The following RBFOX1 variants were observed in gnomAD, a reference collection of about 807,000 sequenced individuals.
The protein encoded by RBFOX1 is RNA binding protein fox-1 homolog 1.
RBFOX1 carries 8 observed loss-of-function variants against 57.7 expected under a neutral mutation model. The ratio of observed to expected loss-of-function variants is 0.14; its 90% CI spans 0.08 to 0.25. The LOEUF is 0.25. Among genes scored for constraint, RBFOX1 ranks in the 10% least tolerant of loss-of-function variants. The pLI, the probability that RBFOX1 is intolerant of heterozygous loss-of-function variation, is 1.00. For synonymous variants in RBFOX1, 326 were observed against 222.4 expected (o/e 1.47, Z -4.15); for missense variants, 611 against 548.5 (o/e 1.11, Z -1.14).
At chr16:7,226,295 A>G (rs1332907596) in intron 4 of RBFOX1, among the ~76,000 whole-genome samples, 2 of 152,200 alleles carry the variant, frequency 1.3e-5, no homozygotes, top group African/African-American at 2.4e-5. Context: ...ACTACAAGCT[A>G]CGGAGTTCTC....
chr16:5,540,055 A>G (rs980574318), intron 2 of RBFOX1, among the ~76,000 whole-genome samples: 2 of 152,206 alleles, frequency 1.3e-5, no homozygotes, highest in Middle Eastern at 3.2e-3. Context: ...GGGAGGGAAG[A>G]CAATTATTTT....
At chr16:6,967,308 G>T (rs552852434) in intron 3 of RBFOX1, among the ~76,000 whole-genome samples, 42 of 151,932 alleles carry the variant, frequency 2.8e-4, no homozygotes, top group Non-Finnish European at 4.7e-4. Flanking sequence ...TTTATGTATG[G>T]ATCTGTCTAT....
chr16:6,214,300 T>G (rs919892756), intron 1 of RBFOX1, among the ~76,000 whole-genome samples: 14 of 149,616 alleles, frequency 9.4e-5, no homozygotes, highest in African/African-American at 3.2e-4. Flanking sequence ...GATGAAAGAG[T>G]AGGAGGGAGA....
At chr16:6,388,392 C>T (rs184396422) in intron 2 of RBFOX1, among the ~76,000 whole-genome samples, 4 of 152,124 alleles carry the variant, frequency 2.6e-5, no homozygotes, top group East Asian at 1.9e-4. Context: ...TGAAGAAGAG[C>T]AGAAAGAAAG....
At chr16:7,202,801 A>G (rs547690472) in intron 4 of RBFOX1, among the ~76,000 whole-genome samples, 1 of 152,300 alleles carries the variant, frequency 6.6e-6, no homozygotes, top group East Asian at 1.9e-4. Flanking sequence ...CCCCTGCAAC[A>G]GCCCCCCACC....
At chr16:6,096,029 G>A (rs927841325) in intron 1 of RBFOX1, among the ~76,000 whole-genome samples, 12 of 152,236 alleles carry the variant, frequency 7.9e-5, no homozygotes, top group African/African-American at 2.9e-4. Context: ...AGTTTAAGAC[G>A]ATGGAGATAC....
intron 3 of RBFOX1, among the ~76,000 whole-genome samples, chr16:5,658,966 C>A (rs534243608): frequency 6.6e-6 from 1 of 151,696 alleles, no homozygotes; most frequent in Non-Finnish European, 1.5e-5. Context: ...TTGCAAATTG[C>A]GATGCTATAA....
At chr16:7,703,085 A>G (rs1474310768) in intron 14 of RBFOX1, among the ~76,000 whole-genome samples, 2 of 150,838 alleles carry the variant, frequency 1.3e-5, no homozygotes, top group African/African-American at 2.4e-5. Context: ...ATGGCTCTCT[A>G]AAGAGCATGC....
At chr16:5,812,695 C>G (rs1200262246) in intron 3 of RBFOX1, among the ~76,000 whole-genome samples, 1 of 152,118 alleles carries the variant, frequency 6.6e-6, no homozygotes, top group Non-Finnish European at 1.5e-5. Context: ...CTCCTGGCCT[C>G]AAGCAGTCCT....
intron 3 of RBFOX1, among the ~76,000 whole-genome samples, chr16:6,954,482 A>ATG (rs2081363856): frequency 6.6e-6 from 1 of 152,156 alleles, no homozygotes; most frequent in African/African-American, 2.4e-5. Flanking sequence ...TTAAAACGTA[A>ATG]TTTTGTTGAA....
chr16:6,734,657 C>G (rs1409508093), intron 3 of RBFOX1, among the ~76,000 whole-genome samples: 1 of 152,194 alleles, frequency 6.6e-6, no homozygotes, highest in African/African-American at 2.4e-5. Flanking sequence ...AGTTTCTCCT[C>G]TCATTCTACA....
intron 1 of RBFOX1, among the ~76,000 whole-genome samples, chr16:5,359,443 A>C (rs894570498): frequency 5.9e-5 from 9 of 152,174 alleles, no homozygotes; most frequent in Admixed American, 5.9e-4. Flanking sequence ...AGTGTACACG[A>C]GTTCCTTTTC....
chr16:7,499,277 T>C (rs2069803455), intron 4 of RBFOX1, among the ~76,000 whole-genome samples: 1 of 152,200 alleles, frequency 6.6e-6, no homozygotes, highest in South Asian at 2.1e-4. Context: ...GCATCACCCA[T>C]TCATCTTCAG....
intron 2 of RBFOX1, among the ~76,000 whole-genome samples, chr16:6,439,714 G>A (rs985125547): frequency 6.6e-6 from 1 of 152,062 alleles, no homozygotes; most frequent in Non-Finnish European, 1.5e-5. Flanking sequence ...TCTTCTAGAG[G>A]GGTAGACATA....
intron 10 of RBFOX1, among the ~76,000 whole-genome samples, chr16:7,615,433 C>T (rs578147519): frequency 9.9e-5 from 15 of 152,190 alleles, no homozygotes; most frequent in East Asian, 1.9e-4. Context: ...CATATATGTA[C>T]GTAAATTAGA....
chr16:5,645,091 A>T (rs1015199952), intron 3 of RBFOX1, among the ~76,000 whole-genome samples: 91 of 152,032 alleles, frequency 6.0e-4, no homozygotes, highest in Non-Finnish European at 1.0e-3. Context: ...CAAAAAAAAA[A>T]AAAATAAAAA....
At chr16:6,883,733 CA>C (rs1259167927) in intron 3 of RBFOX1, among the ~76,000 whole-genome samples, 1 of 151,842 alleles carries the variant, frequency 6.6e-6, no homozygotes, top group African/African-American at 2.4e-5. Flanking sequence ...TGATAGAGTC[CA>C]AAAGTTTTCT....
At chr16:5,866,721 A>G (rs539368680) in intron 3 of RBFOX1, among the ~76,000 whole-genome samples, 1 of 152,342 alleles carries the variant, frequency 6.6e-6, no homozygotes, top group African/African-American at 2.4e-5. Context: ...TAACTTGTAC[A>G]AACCCCAATA....
intron 1 of RBFOX1, among the ~76,000 whole-genome samples, chr16:6,132,726 T>C (rs1307435260): frequency 1.3e-5 from 2 of 151,938 alleles, no homozygotes; most frequent in Non-Finnish European, 2.9e-5. Context: ...TATGTAAAAA[T>C]AAGTTATATC....
Sources: gnomAD v4.1 joint callset for allele counts (sites outside exome capture counted in the v4.1 genomes callset) on GRCh38, gnomAD v4.1.1 for gene constraint, MANE v1.5 for transcripts, NCBI Gene and HGNC (gene_info 2026-07-23, HGNC 2026-07-21) for gene names.